Variants in DDAH1 observed in about 807,000 individuals in gnomAD.
DDAH1 encodes the protein N(G),N(G)-dimethylarginine dimethylaminohydrolase 1.
Under a neutral mutation model 28.8 loss-of-function variants are expected in DDAH1, and 19 were observed. The ratio of observed to expected loss-of-function variants is 0.66; its 90% CI spans 0.46 to 0.97. The LOEUF (loss-of-function observed/expected upper bound fraction) is 0.97. DDAH1 is among the 50% of genes least tolerant of loss of function. DDAH1 has a pLI of 0.00. For synonymous variants in DDAH1, 153 were observed against 154.4 expected (o/e 0.99, Z 0.07); for missense variants, 326 against 375.9 (o/e 0.87, Z 1.10).
At position 85,358,829 on chromosome 1, in the gene DDAH1, CTTCT is replaced by C; in HGVS notation, c.318_321del (p.Glu107HisfsTer2). 1 of 1,605,744 alleles carries C rather than the reference CTTCT, an allele frequency of 6.2e-7. No individual in the cohort carries two copies. The highest frequency in any genetic ancestry group is 1.1e-5 in the South Asian group (1 of 88,828). On this transcript the variant is annotated frameshift_variant, in exon 2 of 6. Transcript: ENST00000284031. LOFTEE classifies it high-confidence loss of function. ...ATATTGAGCTGAAGTTTTTCTAATG[CTTCT>C]TTCATCATGTCAACCTGTTGAAAAT...
intron 1 of DDAH1, among the ~76,000 whole-genome samples, chr1:85,537,197 G>A (rs1255640657): frequency 6.6e-6 from 1 of 151,494 alleles, no homozygotes; most frequent in Non-Finnish European, 1.5e-5. Flanking sequence ...AGCTGGGCAT[G>A]GTGACATGCA....
At chr1:85,429,056 T>A (rs1261099125) in intron 1 of DDAH1, among the ~76,000 whole-genome samples, 1 of 152,106 alleles carries the variant, frequency 6.6e-6, no homozygotes, top group East Asian at 1.9e-4. Flanking sequence ...GGGATACATG[T>A]ATAGTATGTG....
chr1:85,474,128 A>G (rs1655713866), intron 2 of DDAH1, among the ~76,000 whole-genome samples: 1 of 152,116 alleles, frequency 6.6e-6, no homozygotes, highest in African/African-American at 2.4e-5. Context: ...TTACCTCCAC[A>G]TTTAATCAAT....
At chr1:85,573,963 A>G (rs780808816) in intron 1 of DDAH1, among the ~76,000 whole-genome samples, 1 of 152,238 alleles carries the variant, frequency 6.6e-6, no homozygotes, top group Non-Finnish European at 1.5e-5. Context: ...GAGATCACAA[A>G]TGGCACCCAC....
chr1:85,545,071 C>T lies in DDAH1; in HGVS notation c.-123+32913G>A, dbSNP rs116189797. 1.1e-3 allele frequency among the ~76,000 whole-genome samples: 169 copies of T among 152,274 alleles called. 1 individual carries two copies. Among genetic ancestry groups the T allele is most frequent in the African/African-American group, 3.0e-3 (125 of 41,546 alleles). ...GAAATATTTTGAGCAAAGTCAACAA[C>T]CCCCTTGCCCTGCCTCTCAGACATT... On this transcript the variant is annotated intron_variant, in intron 1 of 6. Coordinates refer to the DDAH1 transcript ENST00000426972.
chr1:85,401,478 CTTTTCTT>C (rs1286220076), intron 1 of DDAH1, among the ~76,000 whole-genome samples: 18 of 147,898 alleles, frequency 1.2e-4, no homozygotes, highest in South Asian at 6.5e-4. Flanking sequence ...AGAGACGCAG[CTTTTCTT>C]TTTTCTTTTT....
intron 1 of DDAH1, among the ~76,000 whole-genome samples, chr1:85,455,992 T>C (rs1251255359): frequency 1.3e-5 from 2 of 152,160 alleles, no homozygotes; most frequent in African/African-American, 4.8e-5. Context: ...CCAATTCCAT[T>C]TCACAAATGT....
At chr1:85,437,571 T>C (rs1342413401) in intron 1 of DDAH1, among the ~76,000 whole-genome samples, 1 of 152,216 alleles carries the variant, frequency 6.6e-6, no homozygotes, top group Non-Finnish European at 1.5e-5. Flanking sequence ...TAACTTACTT[T>C]ATTATAAGAT....
intron 1 of DDAH1, among the ~76,000 whole-genome samples, chr1:85,452,679 T>A: frequency 6.6e-6 from 1 of 151,818 alleles, no homozygotes; most frequent in African/African-American, 2.4e-5. Context: ...AAAAGGAAGG[T>A]AAAGAAGGGT....
chr1:85,436,083 G>A (rs909246353), intron 1 of DDAH1, among the ~76,000 whole-genome samples: 6 of 151,898 alleles, frequency 4.0e-5, no homozygotes, highest in African/African-American at 9.7e-5. Flanking sequence ...TTGCAGGCTC[G>A]AGCCACCGCG....
At chr1:85,369,172 C>T (rs1470594140) in intron 1 of DDAH1, among the ~76,000 whole-genome samples, 14 of 151,198 alleles carry the variant, frequency 9.3e-5, no homozygotes, top group African/African-American at 3.2e-4. Context: ...ACAATCCTCC[C>T]ACCTCAGCCT....
chr1:85,422,485 G>T (rs2100616786), intron 1 of DDAH1, among the ~76,000 whole-genome samples: 1 of 152,038 alleles, frequency 6.6e-6, no homozygotes, highest in Non-Finnish European at 1.5e-5. Flanking sequence ...CAAACCCAAG[G>T]CCACCTATAT....
intron 2 of DDAH1, among the ~76,000 whole-genome samples, chr1:85,488,054 G>A (rs1032984962): frequency 2.0e-5 from 3 of 151,942 alleles, no homozygotes; most frequent in African/African-American, 7.3e-5. Flanking sequence ...GTGTGGTGGT[G>A]CACACCTGTA....
At chr1:85,470,190 A>G (rs1327476348) in intron 2 of DDAH1, among the ~76,000 whole-genome samples, 3 of 152,176 alleles carry the variant, frequency 2.0e-5, no homozygotes, top group Non-Finnish European at 4.4e-5. Flanking sequence ...AGACTGGGTA[A>G]TTTATAAAGA....
chr1:85,474,843 A>G (rs1053164005), intron 2 of DDAH1, among the ~76,000 whole-genome samples: 3 of 152,092 alleles, frequency 2.0e-5, no homozygotes, highest in Non-Finnish European at 2.9e-5. Flanking sequence ...TTAAGAATCT[A>G]TGATTCTGTT....
chr1:85,326,780 T>C (rs1043030395), intron 4 of DDAH1, among the ~76,000 whole-genome samples: 9 of 152,244 alleles, frequency 5.9e-5, no homozygotes, highest in African/African-American at 1.9e-4. Flanking sequence ...CTTGAAGGGA[T>C]AGGCCCATAG....
At chr1:85,329,018 A>G (rs1048792600) in intron 4 of DDAH1, among the ~76,000 whole-genome samples, 7 of 152,240 alleles carry the variant, frequency 4.6e-5, no homozygotes, top group African/African-American at 1.7e-4. Flanking sequence ...TTGAAAGAGA[A>G]AGAAACATGG....
chr1:85,369,105 G>A (rs979288211), intron 1 of DDAH1, among the ~76,000 whole-genome samples: 1 of 142,586 alleles, frequency 7.0e-6, no homozygotes, highest in Non-Finnish European at 1.5e-5. Context: ...CTGTCCTCCA[G>A]GCTGGAGTGC....
chr1:85,362,406 C>T (rs1053389683), intron 1 of DDAH1, among the ~76,000 whole-genome samples: 2 of 152,122 alleles, frequency 1.3e-5, no homozygotes, highest in African/African-American at 4.8e-5. Context: ...CTAAGGGACC[C>T]AATCAGTCTA....
Sources: allele counts gnomAD v4.1 joint callset (sites outside exome capture counted in the v4.1 genomes callset), GRCh38; gene constraint gnomAD v4.1.1; transcripts MANE v1.5; gene names NCBI Gene and HGNC (gene_info 2026-07-23, HGNC 2026-07-21).